The following ERC2 variants were observed in gnomAD, a reference collection of about 807,000 sequenced individuals.
The protein encoded by ERC2 is ELKS/RAB6-interacting/CAST family member 2.
A neutral mutation model predicts 114.8 loss-of-function variants in ERC2; 42 were observed. That is an observed-to-expected ratio of 0.37 (90% CI 0.29 to 0.47). The LOEUF is 0.47. Ranked by LOEUF, ERC2 falls within the 20% of genes least tolerant of loss-of-function variation. ERC2 has a pLI of 0.99. For missense variants in ERC2, 939 were observed against 1,150.7 expected, an observed-to-expected ratio of 0.82 and a Z score of 2.66; for synonymous variants, 454 against 425.5, an observed-to-expected ratio of 1.07 and a Z score of -0.82.
At chr3:56,466,181 T>C (rs1306727697) in intron 1 of ERC2, among the ~76,000 whole-genome samples, 3 of 152,224 alleles carry the variant, frequency 2.0e-5, no homozygotes, top group Non-Finnish European at 4.4e-5. Context: ...ATGATAGTAA[T>C]AGTAATAATA....
intron 14 of ERC2, among the ~76,000 whole-genome samples, chr3:55,858,767 G>A (rs2061897013): frequency 6.6e-6 from 1 of 152,202 alleles, no homozygotes; most frequent in East Asian, 1.9e-4. Context: ...AGCTGACAGA[G>A]TAGGCAGGGT....
intron 14 of ERC2, among the ~76,000 whole-genome samples, chr3:55,878,468 T>G (rs1308103579): frequency 2.0e-5 from 3 of 152,230 alleles, no homozygotes; most frequent in Non-Finnish European, 4.4e-5. Flanking sequence ...ATCTGCCCAC[T>G]GCTTTCTACT....
chr3:56,007,075 C>G, intron 10 of ERC2, 106 bp downstream of exon 10: 1 of 961,724 alleles, frequency 1.0e-6, no homozygotes, highest in Non-Finnish European at 1.5e-6. Context: ...TATCAGCAGA[C>G]AGCAACAGAT....
intron 3 of ERC2, among the ~76,000 whole-genome samples, chr3:56,217,280 A>T (rs2049552802): frequency 6.6e-6 from 1 of 152,244 alleles, no homozygotes; most frequent in South Asian, 2.1e-4. Flanking sequence ...CTGATAAGCA[A>T]CTTTAGCAAA....
chr3:56,254,399 TC>T (rs1292748335), intron 3 of ERC2, among the ~76,000 whole-genome samples: 1 of 152,174 alleles, frequency 6.6e-6, no homozygotes, highest in Non-Finnish European at 1.5e-5. Flanking sequence ...CTGTGTATTT[TC>T]TGACAGGACC....
chr3:56,003,026 C>T, intron 10 of ERC2: 2 of 1,122,630 alleles, frequency 1.8e-6, no homozygotes, highest in South Asian at 2.6e-5. Context: ...CCCAGTATGG[C>T]ACACCGTGAC....
At position 55,796,981 on chromosome 3, in the gene ERC2, C is replaced by T. The variant is rs13327017; in HGVS notation, c.2565-62063G>A. Among the ~76,000 whole-genome samples the T allele has an allele frequency of 5.8e-3, 877 of 152,212 alleles. 10 individuals are homozygous for T. The highest frequency in any genetic ancestry group is 0.02 in the African/African-American group (835 of 41,516). On this transcript the variant is annotated intron_variant, in intron 14 of 17. Transcript: ENST00000288221. ...AAGTAACAGGCTTTAATTCAAACAC[C>T]TTTGAGAAATGGTGTAAATGAAAAT...
chr3:55,676,526 C>T (rs915473891), intron 17 of ERC2, among the ~76,000 whole-genome samples: 1 of 151,474 alleles, frequency 6.6e-6, no homozygotes, highest in East Asian at 1.9e-4. Context: ...GTATCTGTGT[C>T]TCAGATTAAT....
At chr3:55,898,989 A>G (rs1417713236) in intron 13 of ERC2, among the ~76,000 whole-genome samples, 1 of 152,224 alleles carries the variant, frequency 6.6e-6, no homozygotes, top group Non-Finnish European at 1.5e-5. Flanking sequence ...CACTAACTAC[A>G]TGCGGCACTT....
At chr3:56,030,974 C>T (rs563072717) in intron 7 of ERC2, among the ~76,000 whole-genome samples, 13 of 152,294 alleles carry the variant, frequency 8.5e-5, no homozygotes, top group South Asian at 2.1e-4. Context: ...AGGCCTACTC[C>T]GATGAACCCT....
intron 16 of ERC2, among the ~76,000 whole-genome samples, chr3:55,693,723 T>C (rs1459045891): frequency 2.6e-5 from 4 of 152,070 alleles, no homozygotes. Flanking sequence ...CTTTTTTTTT[T>C]TTGAGACGAA....
intron 12 of ERC2, among the ~76,000 whole-genome samples, chr3:55,955,393 T>C (rs1212988137): frequency 6.6e-6 from 1 of 152,156 alleles, no homozygotes; most frequent in Admixed American, 6.5e-5. Context: ...CCCTGCCTCA[T>C]GGCCCTTCCC....
At chr3:56,437,551 T>C (rs766671004) in intron 1 of ERC2, among the ~76,000 whole-genome samples, 2 of 152,176 alleles carry the variant, frequency 1.3e-5, no homozygotes, top group Non-Finnish European at 2.9e-5. Context: ...TATGAAAAAA[T>C]GTTTTCTATA....
intron 6 of ERC2, among the ~76,000 whole-genome samples, chr3:56,088,900 T>C (rs1369630807): frequency 6.6e-6 from 1 of 152,190 alleles, no homozygotes; most frequent in African/African-American, 2.4e-5. Context: ...TTATTCTACT[T>C]TTCACAGCCT....
chr3:55,902,581 A>G (rs1382828551), intron 13 of ERC2, among the ~76,000 whole-genome samples: 5 of 152,186 alleles, frequency 3.3e-5, no homozygotes, highest in Non-Finnish European at 7.3e-5. Context: ...AGCTAAATAG[A>G]GGGTTCCTAT....
Position 55,515,864 on chromosome 3 carries a change from C to T in ERC2, c.*40-4588G>A, listed in dbSNP as rs2052461340. 2.6e-5 allele frequency among the ~76,000 whole-genome samples: 4 copies of T among 152,096 alleles called. No individual in the cohort carries two copies. In the South Asian group the frequency reaches 8.3e-4, roughly 32 times the overall value. On this transcript the variant is annotated intron_variant, in intron 17 of 17. Transcript: ENST00000288221. ...CCCGATTATGGCTTTCTTCTCCTGC[C>T]CTTTCAGTAGTGATTTGCAGAAACA...
At chr3:56,294,821 A>G (rs529442852) in intron 3 of ERC2, among the ~76,000 whole-genome samples, 1 of 152,344 alleles carries the variant, frequency 6.6e-6, no homozygotes, top group African/African-American at 2.4e-5. Flanking sequence ...ATGGATGGGA[A>G]GACCAGGCCC....
At chr3:55,666,457 G>C (rs887605574) in intron 17 of ERC2, among the ~76,000 whole-genome samples, 1 of 152,146 alleles carries the variant, frequency 6.6e-6, no homozygotes, top group African/African-American at 2.4e-5. Flanking sequence ...GTAACTTTCA[G>C]ACTGTAAAGT....
At chr3:56,044,007 G>A (rs554148527) in intron 7 of ERC2, among the ~76,000 whole-genome samples, 8 of 152,154 alleles carry the variant, frequency 5.3e-5, no homozygotes, top group Non-Finnish European at 1.2e-4. Context: ...TGCTTCTTAA[G>A]TACTCAAAGG....
Sources: allele counts gnomAD v4.1 joint callset (sites outside exome capture counted in the v4.1 genomes callset), GRCh38; gene constraint gnomAD v4.1.1; transcripts MANE v1.5; gene names NCBI Gene and HGNC (gene_info 2026-07-23, HGNC 2026-07-21).